Variants in FHIT observed in about 807,000 individuals in gnomAD.
The protein encoded by FHIT is bis(5'-adenosyl)-triphosphatase.
FHIT carries 19 observed loss-of-function variants against 17.9 expected under a neutral mutation model. The observed-to-expected ratio is 1.06, with a 90% CI of 0.74 to 1.56. The LOEUF (loss-of-function observed/expected upper bound fraction) is 1.56, where lower values mean the gene tolerates loss of function less well. FHIT is among the 40% of genes most tolerant of loss of function. FHIT has a pLI of 0.00. For missense variants in FHIT, 248 were observed against 189.2 expected (o/e 1.31, Z -1.82); for synonymous variants, 81 against 69.7 (o/e 1.16, Z -0.81).
At chr3:59,824,299 G>A (rs937256238) in intron 8 of FHIT, among the ~76,000 whole-genome samples, 5 of 152,142 alleles carry the variant, frequency 3.3e-5, no homozygotes, top group Non-Finnish European at 7.4e-5. Context: ...AAAAGAATGG[G>A]AATAGAGGCA....
chr3:60,223,423 G>A (rs906194567), intron 5 of FHIT, among the ~76,000 whole-genome samples: 7 of 152,150 alleles, frequency 4.6e-5, no homozygotes, highest in African/African-American at 9.7e-5. Context: ...TTTGCAACAC[G>A]TAAGCGATCC....
intron 5 of FHIT, among the ~76,000 whole-genome samples, chr3:60,347,837 C>A (rs113079200): frequency 0.11 from 16,925 of 152,078 alleles, 1,218 homozygotes; most frequent in Non-Finnish European, 0.16. Flanking sequence ...TGGCTCACTG[C>A]AACCTCCCCC....
chr3:59,914,158 T>C (rs1333719254), intron 8 of FHIT, among the ~76,000 whole-genome samples: 1 of 152,196 alleles, frequency 6.6e-6, no homozygotes, highest in Non-Finnish European at 1.5e-5. Context: ...CAAAATATTA[T>C]TTCAACATGT....
At chr3:60,356,775 A>C (rs929599173) in intron 5 of FHIT, among the ~76,000 whole-genome samples, 2 of 130,018 alleles carry the variant, frequency 1.5e-5, no homozygotes, top group Non-Finnish European at 3.2e-5. Flanking sequence ...AAAAAAAAAA[A>C]AAAAACGGAA....
At chr3:60,135,336 A>T (rs1166546236) in intron 5 of FHIT, among the ~76,000 whole-genome samples, 2 of 152,118 alleles carry the variant, frequency 1.3e-5, no homozygotes, top group Non-Finnish European at 2.9e-5. Context: ...AAAATGCTTA[A>T]GTTTCAAGCA....
intron 5 of FHIT, among the ~76,000 whole-genome samples, chr3:60,403,414 GA>G (rs1701736181): frequency 6.6e-6 from 1 of 152,094 alleles, no homozygotes; most frequent in African/African-American, 2.4e-5. Context: ...TCAGGGCTCA[GA>G]AAGATAATAC....
chr3:59,794,359 G>A (rs548059548), intron 8 of FHIT, among the ~76,000 whole-genome samples: 5 of 152,200 alleles, frequency 3.3e-5, no homozygotes, highest in East Asian at 3.9e-4. Context: ...TCAGATACTC[G>A]CATGTTATTA....
At chr3:61,097,347 T>C (rs1456147801) in intron 2 of FHIT, among the ~76,000 whole-genome samples, 2 of 152,172 alleles carry the variant, frequency 1.3e-5, no homozygotes, top group Non-Finnish European at 2.9e-5. Flanking sequence ...CAGTCTATCA[T>C]TGATGGACAT....
At chr3:59,751,494 T>C (rs1700897627) in intron 9 of FHIT, 1 of 211,364 alleles carries the variant, frequency 4.7e-6, no homozygotes, top group Admixed American at 5.9e-5. Context: ...AGGGATAATA[T>C]AGATTGCCAG....
chr3:60,197,476 T>C (rs1702701615), intron 5 of FHIT, among the ~76,000 whole-genome samples: 1 of 152,198 alleles, frequency 6.6e-6, no homozygotes, highest in Non-Finnish European at 1.5e-5. Context: ...ATTAAAACAA[T>C]GCCAAAGCAG....
intron 4 of FHIT, among the ~76,000 whole-genome samples, chr3:60,722,973 G>T (rs62249274): frequency 2.6e-5 from 4 of 151,948 alleles, no homozygotes; most frequent in Non-Finnish European, 5.9e-5. Flanking sequence ...TGCCCGCCTC[G>T]GCCTCCCAAA....
At chr3:60,399,767 G>T (rs1701589059) in intron 5 of FHIT, among the ~76,000 whole-genome samples, 1 of 152,040 alleles carries the variant, frequency 6.6e-6, no homozygotes, top group Admixed American at 6.6e-5. Flanking sequence ...TCACCTTTTA[G>T]CCTTGAAACT....
chr3:60,377,432 C>T (rs549960991), intron 5 of FHIT, among the ~76,000 whole-genome samples: 6 of 140,246 alleles, frequency 4.3e-5, no homozygotes, highest in South Asian at 4.6e-4. Flanking sequence ...GCTGGGATTA[C>T]AGGCCTGATC....
At chr3:60,523,458 T>C (rs972882673) in intron 5 of FHIT, among the ~76,000 whole-genome samples, 2 of 152,056 alleles carry the variant, frequency 1.3e-5, no homozygotes, top group African/African-American at 2.4e-5. Context: ...ATTATAGAAA[T>C]AATAAATCAG....
At chr3:60,332,107 G>C (rs1429978277) in intron 5 of FHIT, among the ~76,000 whole-genome samples, 3 of 152,096 alleles carry the variant, frequency 2.0e-5, no homozygotes, top group African/African-American at 7.2e-5. Flanking sequence ...ACTAGGTACT[G>C]TCCTTAGCTC....
At chr3:61,237,310 G>A (rs2040256818) in intron 1 of FHIT, among the ~76,000 whole-genome samples, 1 of 152,022 alleles carries the variant, frequency 6.6e-6, no homozygotes, top group Non-Finnish European at 1.5e-5. Flanking sequence ...TCTGATGTTG[G>A]ACTAATGAGA....
intron 5 of FHIT, among the ~76,000 whole-genome samples, chr3:60,220,940 G>A (rs1356154288): frequency 6.6e-6 from 1 of 152,154 alleles, no homozygotes; most frequent in African/African-American, 2.4e-5. Context: ...GCAACGTGTG[G>A]GGATTGTTTT....
chr3:60,087,312 G>A (rs1703536794), intron 5 of FHIT, among the ~76,000 whole-genome samples: 1 of 152,026 alleles, frequency 6.6e-6, no homozygotes, highest in Admixed American at 6.6e-5. Flanking sequence ...ATGCCTTAAG[G>A]GCCTTTTTCC....
At chr3:60,165,408 A>T (rs1701127718) in intron 5 of FHIT, among the ~76,000 whole-genome samples, 2 of 152,214 alleles carry the variant, frequency 1.3e-5, no homozygotes, top group African/African-American at 4.8e-5. Flanking sequence ...AAGAATGGAA[A>T]CAAAGAGTAC....
Sources: allele counts gnomAD v4.1 joint callset (sites outside exome capture counted in the v4.1 genomes callset), GRCh38; gene constraint gnomAD v4.1.1; transcripts MANE v1.5; gene names NCBI Gene and HGNC (gene_info 2026-07-23, HGNC 2026-07-21).